PALM2AKAP2: variants seen among roughly 807,000 people sequenced by gnomAD.
PALM2AKAP2 encodes the protein PALM2 and AKAP2 fusion.
In PALM2AKAP2, 37 loss-of-function variants were observed where a neutral mutation model predicts 71.5. The ratio of observed to expected loss-of-function variants is 0.52; its 90% confidence interval spans 0.40 to 0.68. The LOEUF is 0.68. Among genes scored for constraint, PALM2AKAP2 ranks in the 30% least tolerant of loss-of-function variants. The pLI is 0.00. For missense variants in PALM2AKAP2, 1,224 were observed against 1,191.8 expected, an observed-to-expected ratio of 1.03 and a Z score of -0.40; for synonymous variants, 468 against 478.8, an observed-to-expected ratio of 0.98 and a Z score of 0.29.
chr9:110,010,527 A>T (rs1390473236), intron 6 of PALM2AKAP2, among the ~76,000 whole-genome samples: 1 of 144,606 alleles, frequency 6.9e-6, no homozygotes, highest in African/African-American at 2.7e-5. Flanking sequence ...TAATTATATA[A>T]ATTCTCTACA....
chr9:109,837,581 G>A (rs1828517113), intron 1 of PALM2AKAP2, among the ~76,000 whole-genome samples: 2 of 152,070 alleles, frequency 1.3e-5, no homozygotes, highest in African/African-American at 4.8e-5. Context: ...GACACAGACT[G>A]GCAAATTAGA....
intron 1 of PALM2AKAP2, among the ~76,000 whole-genome samples, chr9:109,839,671 A>G (rs1303558441): frequency 6.6e-6 from 1 of 152,270 alleles, no homozygotes; most frequent in Admixed American, 6.5e-5. Flanking sequence ...AACTTCAGCA[A>G]AGTCTCAGGA....
intron 1 of PALM2AKAP2, among the ~76,000 whole-genome samples, chr9:110,088,715 T>G (rs977826244): frequency 9.1e-5 from 12 of 131,714 alleles, no homozygotes; most frequent in East Asian, 7.0e-4. Context: ...TTTTTTTTTT[T>G]TTTTTTTTTT....
chr9:109,965,476 G>A (rs149264657), intron 6 of PALM2AKAP2, among the ~76,000 whole-genome samples: 76 of 152,324 alleles, frequency 5.0e-4, no homozygotes, highest in Non-Finnish European at 9.3e-4. Flanking sequence ...AGTTAAACAA[G>A]CCAGAGAGAA....
At chr9:110,151,169 C>T (rs1836303860) in intron 2 of PALM2AKAP2, among the ~76,000 whole-genome samples, 1 of 152,050 alleles carries the variant, frequency 6.6e-6, no homozygotes, top group African/African-American at 2.4e-5. Flanking sequence ...CTTCTTTTTT[C>T]CCCTTCTGTA....
intron 2 of PALM2AKAP2, among the ~76,000 whole-genome samples, chr9:109,876,740 A>G (rs569268353): frequency 6.6e-6 from 1 of 152,272 alleles, no homozygotes; most frequent in Admixed American, 6.5e-5. Context: ...TTGGCCTCCC[A>G]AAGTGCTGGG....
intron 6 of PALM2AKAP2, among the ~76,000 whole-genome samples, chr9:109,987,930 A>G (rs1832410649): frequency 1.3e-5 from 2 of 152,238 alleles, no homozygotes; most frequent in African/African-American, 4.8e-5. Flanking sequence ...ATTCCTCATC[A>G]GTCTCTGTTT....
chr9:109,773,860 G>GCTACTTCTCA, intron 1 of PALM2AKAP2, among the ~76,000 whole-genome samples: 1 of 152,214 alleles, frequency 6.6e-6, no homozygotes. Context: ...AGACTGGCTA[G>GCTACTTCTCA]GATCCATTTA....
At chr9:109,780,484 C>T in exon 1 of PALM2AKAP2, 1 of 1,613,490 alleles carries the variant, frequency 6.2e-7, no homozygotes, top group Non-Finnish European at 8.5e-7. Flanking sequence ...GTGCCCTTCT[C>T]CAGGATGGCA....
chr9:110,164,556 C>T (rs558865628), intron 3 of PALM2AKAP2, among the ~76,000 whole-genome samples: 10 of 145,142 alleles, frequency 6.9e-5, no homozygotes, highest in South Asian at 2.2e-4. Context: ...TTTGAGACAC[C>T]GTCTCACTCT....
At chr9:109,762,638 T>C (rs1829073865) in intron 1 of PALM2AKAP2, among the ~76,000 whole-genome samples, 1 of 152,140 alleles carries the variant, frequency 6.6e-6, no homozygotes, top group East Asian at 1.9e-4. Context: ...CCCAGGCCAA[T>C]GTAAGTCACT....
chr9:110,166,077 C>T (rs186687741), intron 3 of PALM2AKAP2, among the ~76,000 whole-genome samples: 11 of 152,240 alleles, frequency 7.2e-5, no homozygotes, highest in South Asian at 2.1e-4. Flanking sequence ...CTTTATAAAA[C>T]GCCCTATTTG....
intron 1 of PALM2AKAP2, among the ~76,000 whole-genome samples, chr9:109,713,958 TTAA>T (rs1437031613): frequency 4.6e-5 from 7 of 152,332 alleles, no homozygotes; most frequent in African/African-American, 1.7e-4. Context: ...ATGCAAGATA[TTAA>T]TAATAGGAGA....
chr9:109,988,088 G>A (rs1053564394), intron 6 of PALM2AKAP2, among the ~76,000 whole-genome samples: 5 of 152,174 alleles, frequency 3.3e-5, no homozygotes, highest in African/African-American at 1.2e-4. Flanking sequence ...ATGTGGCCTA[G>A]GTTATTATTA....
intron 1 of PALM2AKAP2, among the ~76,000 whole-genome samples, chr9:109,824,453 G>A: frequency 6.6e-6 from 1 of 152,170 alleles, no homozygotes; most frequent in East Asian, 1.9e-4. Flanking sequence ...CTCTGATACT[G>A]TCATTTCTTC....
intron 6 of PALM2AKAP2, among the ~76,000 whole-genome samples, chr9:109,935,604 T>A (rs559468871): frequency 1.3e-5 from 2 of 152,364 alleles, no homozygotes; most frequent in East Asian, 3.9e-4. Flanking sequence ...TAACCCATGC[T>A]GGCTCTTAGT....
chr9:110,157,517 G>A (rs1196463188), intron 3 of PALM2AKAP2, among the ~76,000 whole-genome samples: 2 of 152,114 alleles, frequency 1.3e-5, no homozygotes, highest in African/African-American at 2.4e-5. Context: ...TCCCGCCTCA[G>A]CCTCCTGAAT....
At chr9:109,841,399 G>A (rs1828669295) in intron 1 of PALM2AKAP2, among the ~76,000 whole-genome samples, 1 of 147,280 alleles carries the variant, frequency 6.8e-6, no homozygotes, top group Non-Finnish European at 1.5e-5. Flanking sequence ...ATAGCATTAG[G>A]AGATATACCT....
intron 7 of PALM2AKAP2, among the ~76,000 whole-genome samples, chr9:110,032,728 AAATAAATAAAT>A (rs1833306252): frequency 1.4e-5 from 2 of 143,496 alleles, no homozygotes; most frequent in African/African-American, 2.6e-5. Context: ...ATAAATAAAT[AAATAAATAAAT>A]AAAATAAAAA....
Sources: allele counts gnomAD v4.1 joint callset (sites outside exome capture counted in the v4.1 genomes callset), GRCh38; gene constraint gnomAD v4.1.1; transcripts MANE v1.5; gene names NCBI Gene and HGNC (gene_info 2026-07-23, HGNC 2026-07-21).